The following IFT25 variants were observed in gnomAD, a reference collection of about 807,000 sequenced individuals.
IFT25 encodes intraflagellar transport 25.
the IFT25 span, chr1:53,945,798 C>T: frequency 6.7e-6 from 1 of 149,202 alleles, no homozygotes; most frequent in African/African-American, 2.5e-5. Flanking sequence ...GCTCCTACCC[C>T]GAGCTCTTTG....
At chr1:53,942,672 C>T in the IFT25 span, among the ~76,000 whole-genome samples, 1 of 152,150 alleles carries the variant, frequency 6.6e-6, no homozygotes, top group Non-Finnish European at 1.5e-5. Flanking sequence ...TAATGGAATG[C>T]TATCTTAGAG....
At chr1:53,944,176 G>C in the IFT25 span, among the ~76,000 whole-genome samples, 15 of 152,150 alleles carry the variant, frequency 9.9e-5, no homozygotes, top group African/African-American at 3.6e-4. Context: ...AAGGTTCTTT[G>C]TTGCAGTTAA....
chr1:53,926,070 C>T, the IFT25 span, among the ~76,000 whole-genome samples: 6 of 147,106 alleles, frequency 4.1e-5, no homozygotes, highest in African/African-American at 5.1e-5. Context: ...CCACTGCACT[C>T]CAGTCTCAAA....
At chr1:53,922,786 AC>A in the IFT25 span, among the ~76,000 whole-genome samples, 1 of 152,226 alleles carries the variant, frequency 6.6e-6, no homozygotes, top group Non-Finnish European at 1.5e-5. Flanking sequence ...GTGATATAAT[AC>A]TAAGTTAAAA....
chr1:53,924,018 G>T, the IFT25 span: 4 of 951,202 alleles, frequency 4.2e-6, no homozygotes, highest in Non-Finnish European at 5.0e-6. Context: ...TGAAATTTAT[G>T]TTCAGCAAAA....
the IFT25 span, among the ~76,000 whole-genome samples, chr1:53,931,800 T>A: frequency 1.3e-5 from 2 of 152,204 alleles, no homozygotes; most frequent in African/African-American, 4.8e-5. Context: ...ATAATCAACT[T>A]TAGGCTTTAT....
chr1:53,924,258 TA>T, the IFT25 span, among the ~76,000 whole-genome samples: 1,355 of 152,026 alleles, frequency 8.9e-3, 23 homozygotes, highest in African/African-American at 0.03. Flanking sequence ...AACATTTATT[TA>T]AAAAAAATCC....
chr1:53,926,860 T>A, the IFT25 span, among the ~76,000 whole-genome samples: 2 of 152,084 alleles, frequency 1.3e-5, no homozygotes, highest in African/African-American at 4.8e-5. Context: ...GTAGCTACGA[T>A]TACAGGCACA....
chr1:53,940,738 C>T, the IFT25 span, among the ~76,000 whole-genome samples: 1 of 152,018 alleles, frequency 6.6e-6, no homozygotes, highest in African/African-American at 2.4e-5. Context: ...GAAATAGGGT[C>T]TCACTCTGAC....
the IFT25 span, among the ~76,000 whole-genome samples, chr1:53,944,285 C>G: frequency 1.3e-5 from 2 of 152,188 alleles, no homozygotes; most frequent in Non-Finnish European, 2.9e-5. Flanking sequence ...GGGCGAACAG[C>G]TTGAGCTCAC....
At chr1:53,915,972 C>T in the IFT25 span, among the ~76,000 whole-genome samples, 2 of 152,042 alleles carry the variant, frequency 1.3e-5, no homozygotes, top group African/African-American at 2.4e-5. Context: ...ATCCTGTGAG[C>T]CTGGGAGCTC....
chr1:53,944,025 A>C, the IFT25 span, among the ~76,000 whole-genome samples: 1 of 152,232 alleles, frequency 6.6e-6, no homozygotes, highest in Non-Finnish European at 1.5e-5. Flanking sequence ...CTTACCTCAC[A>C]TTCTTAAGTT....
At chr1:53,944,534 A>C in the IFT25 span, among the ~76,000 whole-genome samples, 1 of 152,010 alleles carries the variant, frequency 6.6e-6, no homozygotes, top group East Asian at 1.9e-4. Flanking sequence ...AATCCCAGCT[A>C]CTCCGGAGGC....
At chr1:53,917,687 C>T in the IFT25 span, among the ~76,000 whole-genome samples, 105 of 151,806 alleles carry the variant, frequency 6.9e-4, no homozygotes, top group African/African-American at 2.2e-3. Flanking sequence ...ATTGGCCAGG[C>T]GTGGTGGCAG....
the IFT25 span, among the ~76,000 whole-genome samples, chr1:53,920,682 G>C: frequency 2.0e-5 from 3 of 152,322 alleles, no homozygotes; most frequent in African/African-American, 7.2e-5. Flanking sequence ...ATAAGAGAAA[G>C]AGGGCCGGGT....
At chr1:53,923,841 T>C in the IFT25 span, 2 of 938,422 alleles carry the variant, frequency 2.1e-6, no homozygotes, top group African/African-American at 4.0e-5. Context: ...ACTATGGAGA[T>C]AGGTTAAAGT....
the IFT25 span, among the ~76,000 whole-genome samples, chr1:53,931,823 T>C: frequency 6.6e-6 from 1 of 152,208 alleles, no homozygotes; most frequent in East Asian, 1.9e-4. Context: ...TTTTTTCTAA[T>C]AATTGTCTAT....
the IFT25 span, among the ~76,000 whole-genome samples, chr1:53,919,913 C>A: frequency 4.6e-5 from 7 of 152,186 alleles, no homozygotes; most frequent in African/African-American, 1.4e-4. Flanking sequence ...CCTCAGCCTC[C>A]CAAGCAGCTG....
chr1:53,938,873 G>T, the IFT25 span, among the ~76,000 whole-genome samples: 1,359 of 151,850 alleles, frequency 8.9e-3, 23 homozygotes, highest in African/African-American at 0.031. Context: ...TCGGGAGTTC[G>T]AAACCAGCCT....
Sources: allele counts gnomAD v4.1 joint callset (sites outside exome capture counted in the v4.1 genomes callset), GRCh38; gene constraint gnomAD v4.1.1; transcripts MANE v1.5; gene names NCBI Gene and HGNC (gene_info 2026-07-23, HGNC 2026-07-21).